The following GPHN variants were observed in gnomAD, a reference collection of about 807,000 sequenced individuals.
GPHN encodes the protein gephyrin.
In GPHN, 17 loss-of-function variants were observed where a neutral mutation model predicts 95.5. The ratio of observed to expected loss-of-function variants is 0.18; its 90% CI spans 0.12 to 0.27. The LOEUF is 0.27. Ranked by LOEUF, GPHN falls within the 10% of genes least tolerant of loss-of-function variation. The pLI is 1.00. For missense variants in GPHN, 660 were observed against 978.1 expected, an observed-to-expected ratio of 0.67 and a Z score of 4.34; for synonymous variants, 320 against 322.5, an observed-to-expected ratio of 0.99 and a Z score of 0.08.
the GPHN span, chr14:67,571,427 C>T: frequency 1.6e-5 from 4 of 250,678 alleles, no homozygotes; most frequent in Admixed American, 4.6e-5. Context: ...TTTTAAAGCT[C>T]GCATGGCACA....
chr14:67,213,242 C>A, the GPHN span, among the ~76,000 whole-genome samples: 1 of 149,754 alleles, frequency 6.7e-6, no homozygotes, highest in Admixed American at 6.7e-5. Context: ...TATACATGTG[C>A]CATGCTGGTG....
the GPHN span, among the ~76,000 whole-genome samples, chr14:67,192,327 C>A: frequency 6.6e-6 from 1 of 152,066 alleles, no homozygotes; most frequent in African/African-American, 2.4e-5. Context: ...CCCATAACAA[C>A]CCTGCTTTAA....
At chr14:66,590,670 C>G (rs1566658533) in intron 1 of GPHN, among the ~76,000 whole-genome samples, 1 of 152,162 alleles carries the variant, frequency 6.6e-6, no homozygotes, top group Non-Finnish European at 1.5e-5. Context: ...TAATAGCCTA[C>G]CAACCAAAAA....
the GPHN span, chr14:67,388,260 G>A: frequency 6.2e-7 from 1 of 1,613,532 alleles, no homozygotes. Flanking sequence ...GCAGACACGA[G>A]TGAACCACGA....
intron 4 of GPHN, among the ~76,000 whole-genome samples, chr14:66,838,178 C>G (rs1192322142): frequency 1.3e-5 from 2 of 152,082 alleles, no homozygotes; most frequent in African/African-American, 4.8e-5. Flanking sequence ...AACCTGTTTT[C>G]TTATGTGTAA....
the GPHN span, among the ~76,000 whole-genome samples, chr14:67,632,610 C>T: frequency 6.6e-6 from 1 of 152,144 alleles, no homozygotes; most frequent in East Asian, 1.9e-4. Flanking sequence ...GAGGCACTAT[C>T]TCCCTAAATG....
chr14:66,947,715 C>T (rs1033690676), intron 8 of GPHN, among the ~76,000 whole-genome samples: 3 of 152,090 alleles, frequency 2.0e-5, no homozygotes, highest in African/African-American at 7.2e-5. Flanking sequence ...CTCAGCCACT[C>T]GGGAGGCTGA....
At chr14:66,541,078 G>T (rs8018310) in intron 1 of GPHN, among the ~76,000 whole-genome samples, 1 of 151,876 alleles carries the variant, frequency 6.6e-6, no homozygotes, top group Non-Finnish European at 1.5e-5. Context: ...CTCCTGAGTA[G>T]CTGGAATTAC....
intron 1 of GPHN, among the ~76,000 whole-genome samples, chr14:66,550,859 GT>G (rs2059784142): frequency 6.6e-6 from 1 of 150,774 alleles, no homozygotes; most frequent in South Asian, 2.1e-4. Context: ...TTTTTTTGTT[GT>G]TGTTGTTTTT....
intron 2 of GPHN, among the ~76,000 whole-genome samples, chr14:66,754,401 A>C (rs746248352): frequency 2.6e-5 from 4 of 152,020 alleles, no homozygotes; most frequent in Non-Finnish European, 5.9e-5. Flanking sequence ...TTCATATCAT[A>C]ATACAGAATG....
chr14:67,003,499 A>G (rs2072386009), intron 9 of GPHN, among the ~76,000 whole-genome samples: 1 of 150,860 alleles, frequency 6.6e-6, no homozygotes, highest in South Asian at 2.1e-4. Flanking sequence ...ACAAATTCTG[A>G]GTTGCAATGA....
intron 16 of GPHN, among the ~76,000 whole-genome samples, chr14:67,115,470 C>T (rs1858848157): frequency 6.6e-6 from 1 of 152,182 alleles, no homozygotes; most frequent in African/African-American, 2.4e-5. Flanking sequence ...TGGTTGCTCA[C>T]ACCTGTAATC....
At chr14:66,565,386 C>T (rs568316209) in intron 1 of GPHN, among the ~76,000 whole-genome samples, 1 of 152,104 alleles carries the variant, frequency 6.6e-6, no homozygotes, top group African/African-American at 2.4e-5. Context: ...GCAGCTTTGA[C>T]CTCCCAGGCT....
the GPHN span, among the ~76,000 whole-genome samples, chr14:67,314,189 A>T: frequency 1.4e-5 from 2 of 147,850 alleles, no homozygotes; most frequent in African/African-American, 2.6e-5. Flanking sequence ...AGGGGAAAAG[A>T]AGAAAAGGAG....
Position 66,845,819 on chromosome 14 carries a change from CTGTGTGTGTGTGTG to C in GPHN, c.294+21281_294+21294del, listed in dbSNP as rs367997271. Among the ~76,000 whole-genome samples the C allele has an allele frequency of 2.4e-4, 35 of 143,402 alleles. No individual in the cohort carries two copies. The South Asian group carries it at 4.1e-3, about 17-fold the overall frequency. 94.1% of individuals were successfully genotyped at this position (143,402 alleles called of 152,430 possible). A position where few individuals can be genotyped will look rare whatever the true frequency, so the allele number is the denominator to read the frequency against. On this transcript the variant is annotated intron_variant, in intron 4 of 22. Coordinates refer to ENST00000478722, the MANE Select transcript of GPHN (RefSeq NM_020806.5). Reference sequence around the variant, plus strand: ...TTAGGTAATGTGCACATACATGCCTCTGTGTGTGTGTGTGTGTGTGTGTGTGTGTGTGTGTGTGT... The same window carrying C: ...TTAGGTAATGTGCACATACATGCCTCTGTGTGTGTGTGTGTGTGTGTGTGT...
chr14:66,701,956 G>A (rs1163957360), intron 2 of GPHN, among the ~76,000 whole-genome samples: 1 of 152,164 alleles, frequency 6.6e-6, no homozygotes. Flanking sequence ...CTCCCCTCCT[G>A]GAGCCAGGGA....
At chr14:67,703,427 A>C in the GPHN span, among the ~76,000 whole-genome samples, 1 of 152,214 alleles carries the variant, frequency 6.6e-6, no homozygotes, top group African/African-American at 2.4e-5. Context: ...AGAAAAACAA[A>C]ATTTCTAAGT....
intron 1 of GPHN, among the ~76,000 whole-genome samples, chr14:66,664,315 T>C (rs2065826095): frequency 6.6e-6 from 1 of 152,116 alleles, no homozygotes; most frequent in Non-Finnish European, 1.5e-5. Context: ...AAATTAGAAC[T>C]AAAGTCTGAA....
chr14:66,635,453 C>T (rs992602105), intron 1 of GPHN, among the ~76,000 whole-genome samples: 1 of 152,092 alleles, frequency 6.6e-6, no homozygotes, highest in African/African-American at 2.4e-5. Context: ...AGTTTAACTT[C>T]ATTATTAAGT....
Sources: gnomAD v4.1 joint callset for allele counts (sites outside exome capture counted in the v4.1 genomes callset) on GRCh38, gnomAD v4.1.1 for gene constraint, MANE v1.5 for transcripts, NCBI Gene and HGNC (gene_info 2026-07-23, HGNC 2026-07-21) for gene names.